Variants in MIAT observed in about 807,000 individuals in gnomAD.
MIAT encodes myocardial infarction associated transcript, also known as MI related novel mRNA.
downstream of MIAT, chr22:26,672,741 G>T: frequency 2.5e-6 from 1 of 399,050 alleles, no homozygotes; most frequent in Non-Finnish European, 4.4e-6. Flanking sequence ...TCCCACACCG[G>T]AAGTCAGAAA....
chr22:26,660,366 G>C (rs1446305879), intron 2 of MIAT, among the ~76,000 whole-genome samples: 1 of 150,800 alleles, frequency 6.6e-6, no homozygotes, highest in Non-Finnish European at 1.5e-5. Flanking sequence ...TACTCTGGAG[G>C]CTGGGGCAGG....
intron 2 of MIAT, among the ~76,000 whole-genome samples, chr22:26,658,949 G>T (rs538784887): frequency 6.6e-5 from 10 of 152,364 alleles, no homozygotes; most frequent in African/African-American, 1.9e-4. Flanking sequence ...CCCCGCGATG[G>T]CCCAGGGAGG....
At chr22:26,670,309 G>C (rs1253462988), downstream of MIAT, 14 of 398,396 alleles carry the variant, frequency 3.5e-5, no homozygotes, top group Non-Finnish European at 1.8e-5. Context: ...TATAGGTGAA[G>C]AGTGGCTGGG....
downstream of MIAT, chr22:26,672,739 C>A (rs9625066): frequency 0.27 from 106,604 of 398,782 alleles, 14,647 homozygotes; most frequent in African/African-American, 0.34. Flanking sequence ...TGTCCCACAC[C>A]GGAAGTCAGA....
chr22:26,646,645 G>A, exon 1 of MIAT: 1 of 398,642 alleles, frequency 2.5e-6, no homozygotes, highest in African/African-American at 2.1e-5. Context: ...TCTATAAAAT[G>A]GGGAGAGATT....
chr22:26,666,257 G>A (rs923202661), exon 4 of MIAT: 1 of 398,666 alleles, frequency 2.5e-6, no homozygotes, highest in Non-Finnish European at 4.4e-6. Context: ...AGGATTAGTG[G>A]TCATTCTCTG....
downstream of MIAT, chr22:26,672,189 C>A (rs1311858850): frequency 2.5e-6 from 1 of 399,532 alleles, no homozygotes; most frequent in Non-Finnish European, 4.4e-6. Flanking sequence ...ACTTACTAAC[C>A]CAGCCCCTAC....
chr22:26,655,818 A>G (rs946825299), intron 2 of MIAT, among the ~76,000 whole-genome samples: 4 of 152,050 alleles, frequency 2.6e-5, no homozygotes, highest in Non-Finnish European at 5.9e-5. Context: ...TGCAGCTGGG[A>G]CTACAGGCAC....
chr22:26,673,671 GAACTTGGCTAACACAGGTT>G (rs1931152286), downstream of MIAT: 33 of 397,494 alleles, frequency 8.3e-5, no homozygotes, highest in South Asian at 4.0e-3. Context: ...ACACAGGTTT[GAACTTGGCTAACACAGGTT>G]TGAACTTGAC....
At chr22:26,656,203 G>A (rs1021589953) in intron 2 of MIAT, 1 of 152,196 alleles carries the variant, frequency 6.6e-6, no homozygotes, top group African/African-American at 2.4e-5. Context: ...TAGAGACGGG[G>A]TTTCTCCATG....
At chr22:26,665,576 G>C (rs866320986) in exon 4 of MIAT, 1 of 398,828 alleles carries the variant, frequency 2.5e-6, no homozygotes, top group Non-Finnish European at 4.4e-6. Flanking sequence ...GGAATTTCCA[G>C]GTTCTTCAGG....
At chr22:26,670,519 A>T (rs1931004332), downstream of MIAT, 1 of 384,126 alleles carries the variant, frequency 2.6e-6, no homozygotes, top group South Asian at 1.4e-4. Context: ...AGGGCCTTGA[A>T]GGATGAGAAA....
At chr22:26,649,536 G>A (rs1302880865) in intron 2 of MIAT, among the ~76,000 whole-genome samples, 1 of 152,190 alleles carries the variant, frequency 6.6e-6, no homozygotes, top group African/African-American at 2.4e-5. Flanking sequence ...ATTGGATGAG[G>A]GCACATGCTT....
At chr22:26,667,197 C>T in exon 5 of MIAT, 1 of 398,668 alleles carries the variant, frequency 2.5e-6, no homozygotes, top group Non-Finnish European at 4.4e-6. Context: ...CCGGCATGGA[C>T]CAAGCAACTT....
At position 26,675,760 on chromosome 22, in the gene MIAT, G is replaced by A. The variant is rs114482082; in HGVS notation, n.9428G>A. On this transcript the variant is annotated non_coding_transcript_exon_variant, in exon 5 of 5. Transcript: ENST00000613780. ...GTCTATAAGATAATTCCATTGGGGA[G>A]GGAGCCCATTTGTCATGCATGGCTG... The A allele has an allele frequency of 1.3e-3, 526 of 398,672 alleles. 1 individual carries two copies. The highest frequency in any genetic ancestry group is 9.7e-3 in the African/African-American group (475 of 48,744). 24.7% of individuals were successfully genotyped at this position (398,672 alleles called of 1,614,324 possible).
intron 2 of MIAT, among the ~76,000 whole-genome samples, chr22:26,657,056 G>A (rs1930480691): frequency 6.6e-6 from 1 of 152,234 alleles, no homozygotes; most frequent in Non-Finnish European, 1.5e-5. Context: ...GCATACACCC[G>A]AGGTCTTCCT....
chr22:26,667,236 G>C (rs770031351), exon 5 of MIAT: 8 of 398,554 alleles, frequency 2.0e-5, no homozygotes, highest in Non-Finnish European at 3.5e-5. Context: ...GGACGCAGAG[G>C]TGAACCCAGA....
At chr22:26,676,309 C>T (rs1931262809) in exon 5 of MIAT, 1 of 398,582 alleles carries the variant, frequency 2.5e-6, no homozygotes, top group Non-Finnish European at 4.4e-6. Flanking sequence ...CATGTCATTA[C>T]CCCCAGGGGA....
At chr22:26,656,051 G>A (rs1930434734) in intron 2 of MIAT, 1 of 151,030 alleles carries the variant, frequency 6.6e-6, no homozygotes, top group East Asian at 1.9e-4. Context: ...CGCTCTTGTT[G>A]CCCAGGCTGG....
Sources: gnomAD v4.1 joint callset for allele counts (sites outside exome capture counted in the v4.1 genomes callset) on GRCh38, gnomAD v4.1.1 for gene constraint, MANE v1.5 for transcripts, NCBI Gene and HGNC (gene_info 2026-07-23, HGNC 2026-07-21) for gene names.